SHANK2: variants seen among roughly 807,000 people sequenced by gnomAD.
SHANK2 encodes the protein SH3 and multiple ankyrin repeat domains protein 2.
Under a neutral mutation model 133.7 loss-of-function variants are expected in SHANK2, and 43 were observed. The ratio of observed to expected loss-of-function variants is 0.32; its 90% confidence interval spans 0.25 to 0.41. The LOEUF (loss-of-function observed/expected upper bound fraction) is 0.41, where lower values mean the gene tolerates loss of function less well. SHANK2 is among the 10% of genes least tolerant of loss of function. The pLI, the probability that SHANK2 is intolerant of heterozygous loss-of-function variation, is 1.00. For missense variants in SHANK2, 1,994 were observed against 2,235.8 expected, an observed-to-expected ratio of 0.89 and a Z score of 2.18; for synonymous variants, 1,017 against 952.8, an observed-to-expected ratio of 1.07 and a Z score of -1.24.
At chr11:70,547,893 C>T (rs1009414354) in intron 17 of SHANK2, among the ~76,000 whole-genome samples, 12 of 152,242 alleles carry the variant, frequency 7.9e-5, no homozygotes, top group Non-Finnish European at 1.6e-4. Flanking sequence ...GGCTGAGCTT[C>T]ATGGCAGCAG....
intron 14 of SHANK2, among the ~76,000 whole-genome samples, chr11:70,778,796 TC>T: frequency 6.6e-6 from 1 of 152,140 alleles, no homozygotes; most frequent in Non-Finnish European, 1.5e-5. Context: ...TATAGACTCT[TC>T]CCTGCCTACT....
chr11:70,821,661 G>A (rs1948525539), intron 11 of SHANK2, among the ~76,000 whole-genome samples: 1 of 152,126 alleles, frequency 6.6e-6, no homozygotes, highest in Admixed American at 6.6e-5. Context: ...CCGATCTTGT[G>A]ATCCGCCTGC....
intron 17 of SHANK2, among the ~76,000 whole-genome samples, chr11:70,570,014 T>G (rs1554982761): frequency 6.6e-6 from 1 of 152,050 alleles, no homozygotes; most frequent in African/African-American, 2.4e-5. Context: ...CTCCAGCTGT[T>G]GAGTCTCCCC....
chr11:70,480,412 G>A (rs554859540), intron 25 of SHANK2, among the ~76,000 whole-genome samples: 157 of 152,280 alleles, frequency 1.0e-3, no homozygotes, highest in African/African-American at 3.3e-3. Flanking sequence ...CTGGTGTCCC[G>A]TGGCTCTCTT....
chr11:71,188,706 G>A lies in SHANK2; in HGVS notation c.-13+35991C>T, dbSNP rs1471314036. Among the ~76,000 whole-genome samples, 3 of 152,090 alleles carry A rather than the reference G, an allele frequency of 2.0e-5. No individual in the cohort carries two copies. The highest frequency in any genetic ancestry group is 4.8e-5 in the African/African-American group (2 of 41,420). On this transcript the variant is annotated intron_variant, in intron 2 of 25. Coordinates refer to ENST00000601538, the MANE Select transcript of SHANK2 (RefSeq NM_012309.5). The surrounding 1 kb of genome is among the most constrained non-coding windows in gnomAD (Gnocchi z 4.6). ...AGAGTGCCCTGCTCACTCATCTGTC[G>A]CCCACCACACCTCTCCTCATCTGCT...
chr11:71,178,999 G>A (rs1175059309), intron 2 of SHANK2, among the ~76,000 whole-genome samples: 1 of 152,052 alleles, frequency 6.6e-6, no homozygotes, highest in Non-Finnish European at 1.5e-5. Flanking sequence ...ATGAATGAAT[G>A]AATAAAATAA....
Position 70,716,235 on chromosome 11 carries a change from C to T in SHANK2, c.1778-17472G>A, listed in dbSNP as rs537952321. 6.6e-5 allele frequency among the ~76,000 whole-genome samples: 10 copies of T among 152,268 alleles called. No individual in the cohort carries two copies. The East Asian group carries it at 1.4e-3, about 21-fold the overall frequency. ...AGCAAACACCCCAAGCATCTCCTGGCACGAGGTGCTCAACACTGCTCCCGG... is the reference window on the plus strand; with the variant it reads ...AGCAAACACCCCAAGCATCTCCTGGTACGAGGTGCTCAACACTGCTCCCGG... On this transcript the variant is annotated intron_variant, in intron 14 of 25. Transcript: ENST00000601538.
chr11:70,687,736 C>T (rs782803857), intron 15 of SHANK2, among the ~76,000 whole-genome samples: 9 of 152,300 alleles, frequency 5.9e-5, no homozygotes, highest in African/African-American at 7.2e-5. Flanking sequence ...AAGATTCCTG[C>T]GCAGCTACAG....
At chr11:70,884,454 T>C (rs1590795454) in intron 11 of SHANK2, among the ~76,000 whole-genome samples, 1 of 152,332 alleles carries the variant, frequency 6.6e-6, no homozygotes, top group East Asian at 1.9e-4. Flanking sequence ...ATGGGCTTTG[T>C]TTGGTTTGGA....
chr11:70,835,574 G>A (rs1555059862), intron 11 of SHANK2, among the ~76,000 whole-genome samples: 2 of 152,128 alleles, frequency 1.3e-5, no homozygotes, highest in African/African-American at 4.8e-5. Context: ...GGGTGATCTT[G>A]CACCATGAGA....
chr11:70,722,839 G>A (rs1565270120), intron 14 of SHANK2, among the ~76,000 whole-genome samples: 1 of 152,188 alleles, frequency 6.6e-6, no homozygotes, highest in Non-Finnish European at 1.5e-5. Flanking sequence ...CAGGACTTAC[G>A]ACTTATGAGA....
At position 71,218,997 on chromosome 11, in the gene SHANK2, A is replaced by G. The variant is rs142781981; in HGVS notation, c.-13+5700T>C. ...CAGGTGGTCAGCATCCTACACAGAC[A>G]TCGCAGAAGAATGTAACGGAGCTTA... On this transcript the variant is annotated intron_variant, in intron 2 of 25. Transcript: ENST00000601538. Among the ~76,000 whole-genome samples, 663 of 152,318 alleles carry G rather than the reference A, an allele frequency of 4.4e-3. 8 individuals are homozygous for G. Among genetic ancestry groups the G allele is most frequent in the African/African-American group, 0.015 (615 of 41,570 alleles).
At chr11:70,774,201 G>A (rs1229671250) in intron 14 of SHANK2, among the ~76,000 whole-genome samples, 2 of 152,190 alleles carry the variant, frequency 1.3e-5, no homozygotes, top group Non-Finnish European at 2.9e-5. Flanking sequence ...AAAGAAGCTG[G>A]TCATAAAGGA....
chr11:70,695,588 G>A (rs966520880), intron 15 of SHANK2, among the ~76,000 whole-genome samples: 2 of 152,140 alleles, frequency 1.3e-5, no homozygotes, highest in Admixed American at 6.5e-5. Flanking sequence ...CATCCTCACC[G>A]CGGGAGGGTG....
At chr11:70,853,499 C>T (rs1949122738) in intron 11 of SHANK2, among the ~76,000 whole-genome samples, 3 of 152,126 alleles carry the variant, frequency 2.0e-5, no homozygotes, top group Admixed American at 1.3e-4. Context: ...TTCTCAGTCT[C>T]TTTATGGCCA....
chr11:70,585,169 G>A (rs113406405), intron 17 of SHANK2, among the ~76,000 whole-genome samples: 66 of 152,366 alleles, frequency 4.3e-4, no homozygotes, highest in African/African-American at 1.5e-3. Flanking sequence ...CTGGGCCCTG[G>A]GAGACCGCCT....
intron 8 of SHANK2, among the ~76,000 whole-genome samples, chr11:71,085,736 ATATT>A (rs1951386473): frequency 5.2e-5 from 4 of 76,910 alleles, no homozygotes; most frequent in Non-Finnish European, 6.7e-5. Flanking sequence ...AAAATATAAT[ATATT>A]ATATAATATA....
intron 11 of SHANK2, among the ~76,000 whole-genome samples, chr11:70,838,340 T>C (rs1209288693): frequency 6.6e-6 from 1 of 152,240 alleles, no homozygotes; most frequent in Non-Finnish European, 1.5e-5. Flanking sequence ...TTCCTTTGGT[T>C]GCACATTGCA....
intron 10 of SHANK2, among the ~76,000 whole-genome samples, chr11:70,908,688 C>G (rs528794159): frequency 6.6e-6 from 1 of 152,200 alleles, no homozygotes; most frequent in Admixed American, 6.5e-5. Context: ...CCCAGGGATG[C>G]TGGGGTTCAG....
Sources: allele counts gnomAD v4.1 joint callset (sites outside exome capture counted in the v4.1 genomes callset), GRCh38; gene constraint gnomAD v4.1.1; non-coding constraint Gnocchi (gnomAD v3.1); transcripts MANE v1.5; gene names NCBI Gene and HGNC (gene_info 2026-07-23, HGNC 2026-07-21).